KLHL32: variants seen among roughly 807,000 people sequenced by gnomAD.
KLHL32 encodes kelch like family member 32, also known as kelch-like protein 32.
In KLHL32, 35 loss-of-function variants were observed where a neutral mutation model predicts 64.8. That is an observed-to-expected ratio of 0.54 (90% CI 0.41 to 0.72). The LOEUF is 0.72. KLHL32 is among the 30% of genes least tolerant of loss of function. KLHL32 has a pLI of 0.00. For synonymous variants in KLHL32, 259 were observed against 281.0 expected (o/e 0.92, Z 0.78); for missense variants, 589 against 768.5 (o/e 0.77, Z 2.76).
At chr6:97,107,179 G>A (rs1327659026) in intron 6 of KLHL32, among the ~76,000 whole-genome samples, 1 of 152,036 alleles carries the variant, frequency 6.6e-6, no homozygotes, top group Non-Finnish European at 1.5e-5. Flanking sequence ...TGTAGTCCCA[G>A]CTACTCGGGA....
At chr6:97,079,787 A>G (rs554611688) in intron 5 of KLHL32, among the ~76,000 whole-genome samples, 22 of 152,296 alleles carry the variant, frequency 1.4e-4, no homozygotes, top group African/African-American at 4.8e-4. Context: ...CTAAAGAACA[A>G]CAATGTATGC....
chr6:96,998,523 T>C (rs1778658147), intron 3 of KLHL32, among the ~76,000 whole-genome samples: 1 of 152,332 alleles, frequency 6.6e-6, no homozygotes, highest in South Asian at 2.1e-4. Context: ...ACTGTAAGCA[T>C]ATAAATATTT....
intron 3 of KLHL32, among the ~76,000 whole-genome samples, chr6:96,982,321 T>C (rs1173253225): frequency 6.6e-6 from 1 of 152,228 alleles, no homozygotes; most frequent in Non-Finnish European, 1.5e-5. Context: ...CTTTGTCTTC[T>C]TTTATTGGTG....
chr6:97,125,126 T>A (rs1798745040), intron 7 of KLHL32, among the ~76,000 whole-genome samples: 1 of 152,336 alleles, frequency 6.6e-6, no homozygotes, highest in Non-Finnish European at 1.5e-5. Context: ...TTCTTTAAAA[T>A]CTTAAATCTT....
chr6:97,048,541 G>A (rs568623071), intron 4 of KLHL32, among the ~76,000 whole-genome samples: 9 of 152,284 alleles, frequency 5.9e-5, no homozygotes, highest in Non-Finnish European at 1.2e-4. Flanking sequence ...TCAGTCAGAG[G>A]TCTCACCATA....
At chr6:96,915,370 C>G in the KLHL32 span, among the ~76,000 whole-genome samples, 1 of 152,128 alleles carries the variant, frequency 6.6e-6, no homozygotes, top group African/African-American at 2.4e-5. Flanking sequence ...AATAGCTATG[C>G]TATTGCAGAT....
chr6:96,953,692 C>T (rs1772910846), intron 1 of KLHL32, among the ~76,000 whole-genome samples: 2 of 151,876 alleles, frequency 1.3e-5, no homozygotes, highest in Non-Finnish European at 2.9e-5. Flanking sequence ...ATCATACATA[C>T]AGGCTTCCCA....
chr6:97,108,006 T>A (rs1009531261), intron 6 of KLHL32, among the ~76,000 whole-genome samples: 1 of 152,176 alleles, frequency 6.6e-6, no homozygotes, highest in Non-Finnish European at 1.5e-5. Context: ...TCCATTGTGG[T>A]CAGATGAATT....
intron 3 of KLHL32, among the ~76,000 whole-genome samples, chr6:96,979,287 G>A (rs960078847): frequency 2.2e-4 from 33 of 152,156 alleles, no homozygotes; most frequent in African/African-American, 7.0e-4. Context: ...TTACATTTAA[G>A]TCTTTAATCC....
intron 3 of KLHL32, among the ~76,000 whole-genome samples, chr6:96,996,379 A>AAACAAC (rs912201209): frequency 1.3e-5 from 2 of 152,158 alleles, no homozygotes; most frequent in East Asian, 1.9e-4. Context: ...CCCATGATTA[A>AAACAAC]AACAACAACA....
chr6:96,922,460 T>G (rs368496591), upstream of KLHL32, among the ~76,000 whole-genome samples: 1 of 151,724 alleles, frequency 6.6e-6, no homozygotes, highest in East Asian at 1.9e-4. Flanking sequence ...CCTTCTTGCC[T>G]AAATTAGGCA....
intron 3 of KLHL32, among the ~76,000 whole-genome samples, chr6:96,983,900 C>G (rs371104176): frequency 3.3e-5 from 5 of 151,908 alleles, no homozygotes; most frequent in East Asian, 3.9e-4. Flanking sequence ...TCTGATCTTA[C>G]TTATTTCTTG....
chr6:97,064,599 A>AC, intron 4 of KLHL32, 29 bp from the exon 5 acceptor site: 1 of 1,531,382 alleles, frequency 6.5e-7, no homozygotes, highest in Non-Finnish European at 9.0e-7. Context: ...TGTAACTGAT[A>AC]GTTTTATTTT....
chr6:97,052,233 AC>A (rs1787036810), intron 4 of KLHL32, among the ~76,000 whole-genome samples: 1 of 152,212 alleles, frequency 6.6e-6, no homozygotes, highest in South Asian at 2.1e-4. Context: ...AGGGAGAATC[AC>A]CATGATTGGG....
intron 6 of KLHL32, among the ~76,000 whole-genome samples, chr6:97,098,329 G>A (rs1362045447): frequency 6.6e-6 from 1 of 152,102 alleles, no homozygotes; most frequent in Non-Finnish European, 1.5e-5. Flanking sequence ...GCACCTGAGA[G>A]CTAGAATCGT....
chr6:97,095,425 A>G (rs1249282390), intron 6 of KLHL32, among the ~76,000 whole-genome samples: 2 of 152,226 alleles, frequency 1.3e-5, no homozygotes. Flanking sequence ...TAGGCAATGT[A>G]GAGGGGCTGT....
chr6:97,079,681 A>C (rs1350393138), intron 5 of KLHL32, among the ~76,000 whole-genome samples: 2 of 152,170 alleles, frequency 1.3e-5, no homozygotes, highest in Non-Finnish European at 2.9e-5. Context: ...TCTCTTATTT[A>C]ACTTGTCATT....
chr6:96,999,472 T>C (rs1443668503), intron 3 of KLHL32: 3 of 768,546 alleles, frequency 3.9e-6, no homozygotes, highest in Non-Finnish European at 4.7e-6. Flanking sequence ...AAATAATTTA[T>C]TTCCAGATTG....
intron 3 of KLHL32, among the ~76,000 whole-genome samples, chr6:97,020,187 C>T (rs532703148): frequency 7.8e-5 from 11 of 140,914 alleles, no homozygotes; most frequent in Non-Finnish European, 1.2e-4. Flanking sequence ...ATGATCCACC[C>T]GCTTCGGCCT....
Sources: gnomAD v4.1 joint callset for allele counts (sites outside exome capture counted in the v4.1 genomes callset) on GRCh38, gnomAD v4.1.1 for gene constraint, MANE v1.5 for transcripts, NCBI Gene and HGNC (gene_info 2026-07-23, HGNC 2026-07-21) for gene names.